Variants in SEMA3A observed in about 807,000 individuals in gnomAD.
SEMA3A encodes semaphorin-3A.
A neutral mutation model predicts 97.9 loss-of-function variants in SEMA3A; 29 were observed. That is an observed-to-expected ratio of 0.30 (90% confidence interval 0.22 to 0.40). The LOEUF (loss-of-function observed/expected upper bound fraction) is 0.40, where lower values mean the gene tolerates loss of function less well. Ranked by LOEUF, SEMA3A falls within the 10% of genes least tolerant of loss-of-function variation. The pLI is 1.00. For synonymous variants in SEMA3A, 321 were observed against 323.7 expected (o/e 0.99, Z 0.09); for missense variants, 763 against 951.3 (o/e 0.80, Z 2.60).
At chr7:84,300,871 G>C (rs1430421953) in intron 3 of SEMA3A, among the ~76,000 whole-genome samples, 1 of 152,044 alleles carries the variant, frequency 6.6e-6, no homozygotes, top group East Asian at 1.9e-4. Context: ...GTCATTAACT[G>C]AAAAGTACAC....
intron 1 of SEMA3A, among the ~76,000 whole-genome samples, chr7:84,464,826 T>C (rs958886860): frequency 2.6e-5 from 4 of 152,110 alleles, no homozygotes; most frequent in African/African-American, 7.2e-5. Flanking sequence ...AAAATAAACT[T>C]TTCATAATAT....
intron 3 of SEMA3A, among the ~76,000 whole-genome samples, chr7:84,274,583 G>A (rs908517131): frequency 6.6e-6 from 1 of 151,890 alleles, no homozygotes; most frequent in African/African-American, 2.4e-5. Context: ...CAAAATAACA[G>A]AAAATAAATA....
At chr7:84,014,104 T>A in intron 7 of SEMA3A, 105 bp downstream of exon 7, 1 of 901,094 alleles carries the variant, frequency 1.1e-6, no homozygotes, top group Non-Finnish European at 1.7e-6. Context: ...TGAGTCAAGC[T>A]TTAGCCATAA....
Position 84,028,744 on chromosome 7 carries a change from A to T in SEMA3A, c.668-14393T>A, listed in dbSNP as rs553983506. On this transcript the variant is annotated intron_variant, in intron 6 of 16. Transcript: ENST00000265362. ...CTCAGCCTCCCGAGTAGCTGGGACTACAGGCGTGTGCCACCACCCCCTGCT... is the reference window on the plus strand; with the variant it reads ...CTCAGCCTCCCGAGTAGCTGGGACTTCAGGCGTGTGCCACCACCCCCTGCT... Among the ~76,000 whole-genome samples, 3 of 152,258 alleles carry T rather than the reference A, an allele frequency of 2.0e-5. No homozygotes were observed. The South Asian group carries it at 6.2e-4, about 32-fold the overall frequency.
chr7:84,359,255 G>A (rs1802650259), intron 2 of SEMA3A, among the ~76,000 whole-genome samples: 1 of 152,044 alleles, frequency 6.6e-6, no homozygotes. Flanking sequence ...TGTCCATTCA[G>A]TATGATATTG....
chr7:84,372,629 A>G (rs1803001417), intron 1 of SEMA3A, among the ~76,000 whole-genome samples: 1 of 152,138 alleles, frequency 6.6e-6, no homozygotes, highest in Non-Finnish European at 1.5e-5. Flanking sequence ...AGGCAAAATC[A>G]TTTCATAGGT....
chr7:84,123,080 G>C (rs1484134918), intron 3 of SEMA3A, among the ~76,000 whole-genome samples: 2 of 152,058 alleles, frequency 1.3e-5, no homozygotes, highest in East Asian at 3.9e-4. Context: ...CTGAAATTTA[G>C]TGCAAAGAGA....
intron 1 of SEMA3A, among the ~76,000 whole-genome samples, chr7:84,424,820 TATA>T (rs1400768184): frequency 2.0e-5 from 2 of 100,966 alleles, no homozygotes; most frequent in South Asian, 3.3e-4. Context: ...ACATATATAA[TATA>T]ATGATATCTA....
chr7:84,051,208 C>T (rs1454529206), intron 5 of SEMA3A, among the ~76,000 whole-genome samples: 2 of 150,362 alleles, frequency 1.3e-5, no homozygotes, highest in African/African-American at 2.4e-5. Flanking sequence ...TTTTTGGTTC[C>T]ATATGAACTT....
chr7:84,271,444 A>G (rs1800150847), intron 3 of SEMA3A, among the ~76,000 whole-genome samples: 1 of 152,148 alleles, frequency 6.6e-6, no homozygotes, highest in Non-Finnish European at 1.5e-5. Flanking sequence ...GTAGTTTTCA[A>G]CTTCAGAATA....
chr7:84,344,906 C>T (rs1461056058), intron 2 of SEMA3A, among the ~76,000 whole-genome samples: 1 of 152,006 alleles, frequency 6.6e-6, no homozygotes, highest in Non-Finnish European at 1.5e-5. Context: ...AAGGCACACA[C>T]TGAAATAAAA....
intron 6 of SEMA3A, among the ~76,000 whole-genome samples, chr7:84,035,374 T>C (rs992725189): frequency 1.2e-4 from 18 of 152,016 alleles, no homozygotes; most frequent in Non-Finnish European, 2.1e-4. Flanking sequence ...GTAAAATTAC[T>C]GGCATGTAAA....
At chr7:84,312,841 T>A (rs115359187) in intron 2 of SEMA3A, among the ~76,000 whole-genome samples, 2,981 of 136,442 alleles carry the variant, frequency 0.022, 134 homozygotes, top group African/African-American at 0.079. Context: ...CTGGAGTCCC[T>A]ATTTCTTTCA....
chr7:84,339,040 T>C (rs1802099786), intron 2 of SEMA3A, among the ~76,000 whole-genome samples: 2 of 152,182 alleles, frequency 1.3e-5, no homozygotes, highest in South Asian at 4.1e-4. Flanking sequence ...CAATTTGGTA[T>C]ATATATATCC....
chr7:84,085,193 T>G (rs1274559395), intron 4 of SEMA3A, among the ~76,000 whole-genome samples: 1 of 151,750 alleles, frequency 6.6e-6, no homozygotes, highest in Non-Finnish European at 1.5e-5. Flanking sequence ...GGGTCAAACA[T>G]GAACATGTGT....
At chr7:84,062,467 G>A (rs985280645) in intron 4 of SEMA3A, among the ~76,000 whole-genome samples, 5 of 152,176 alleles carry the variant, frequency 3.3e-5, no homozygotes, top group African/African-American at 7.2e-5. Context: ...CAGAGTGAGC[G>A]ACGCAGAAGA....
chr7:84,154,725 CATT>C (rs1796788452), intron 1 of SEMA3A, among the ~76,000 whole-genome samples: 1 of 148,578 alleles, frequency 6.7e-6, no homozygotes, highest in Non-Finnish European at 1.5e-5. Context: ...CAGATGATGA[CATT>C]AGTGCAATAA....
At chr7:84,000,138 T>TAAATCTAAACATACATACTC (rs577668352) in intron 12 of SEMA3A, among the ~76,000 whole-genome samples, 2,362 of 152,244 alleles carry the variant, frequency 0.016, 27 homozygotes, top group Non-Finnish European at 0.026. Flanking sequence ...TATAGTTTTC[T>TAAATCTAAACATACATACTC]AAATCTAAAC....
At position 84,150,710 on chromosome 7, in the gene SEMA3A, G is replaced by A. The variant is rs866427866; in HGVS notation, c.113-15759C>T. Reference sequence around the variant, plus strand: ...GCTTGATTAGGTAAACAAAGCAGCTGGGAAGCTGGAACTGGGTGGAGCCCA... The same window carrying A: ...GCTTGATTAGGTAAACAAAGCAGCTAGGAAGCTGGAACTGGGTGGAGCCCA... On this transcript the variant is annotated intron_variant, in intron 1 of 16. Transcript: ENST00000265362. Among the ~76,000 whole-genome samples the A allele has an allele frequency of 7.5e-3, 1,140 of 151,924 alleles. 18 individuals are homozygous for A. Among genetic ancestry groups the A allele is most frequent in the African/African-American group, 0.026 (1,081 of 41,260 alleles).
Sources: allele counts gnomAD v4.1 joint callset (sites outside exome capture counted in the v4.1 genomes callset), GRCh38; gene constraint gnomAD v4.1.1; transcripts MANE v1.5; gene names NCBI Gene and HGNC (gene_info 2026-07-23, HGNC 2026-07-21).